PLSCR4: variants seen among roughly 807,000 people sequenced by gnomAD.
PLSCR4 encodes Ca(2+)-dependent phospholipid scramblase 4.
Under a neutral mutation model 36.3 loss-of-function variants are expected in PLSCR4, and 25 were observed. The observed-to-expected ratio is 0.69, with a 90% CI of 0.50 to 0.96. The LOEUF is 0.96. Among genes scored for constraint, PLSCR4 ranks in the 40% least tolerant of loss-of-function variants. The pLI, the probability that PLSCR4 is intolerant of heterozygous loss-of-function variation, is 0.00. For synonymous variants in PLSCR4, 122 were observed against 132.9 expected (o/e 0.92, Z 0.56); for missense variants, 408 against 414.7 (o/e 0.98, Z 0.14).
chr3:146,197,693 G>A (rs2033822007), intron 6 of PLSCR4, among the ~76,000 whole-genome samples: 2 of 151,982 alleles, frequency 1.3e-5, no homozygotes, highest in African/African-American at 2.4e-5. Context: ...ATAATAATGA[G>A]TCATAAAGAT....
rs544243688 is a variant in PLSCR4, at chr3:146,210,969, T to C, written c.119-4208A>G. 6.4e-4 allele frequency among the ~76,000 whole-genome samples: 98 copies of C among 152,188 alleles called. 1 individual carries two copies. The highest frequency in any genetic ancestry group is 2.3e-3 in the African/African-American group (95 of 41,554). On this transcript the variant is annotated intron_variant, in intron 3 of 8. Coordinates refer to ENST00000354952, the MANE Select transcript of PLSCR4 (RefSeq NM_020353.3). ...TGTGGATATATCACATTTTAGGTAT[T>C]GTTTAATCAGTCAATGGACATTTAG... is the stretch of plus-strand genomic sequence containing the variant.
Position 146,199,895 on chromosome 3 carries a change from C to T in PLSCR4, c.542G>A (p.Cys181Tyr), listed in dbSNP as rs759473143. The change falls in exon 6 of 9, where the codon TGT becomes TAT. Residue 181 changes from cysteine to tyrosine, a missense_variant. Physicochemically the swap from Cys to Tyr is radical, Grantham distance 194 (BLOSUM62 -2). Transcript: ENST00000354952. ...LRPFVLRVTDCMGREIMTMQR... is the reference protein window; with the variant it reads ...LRPFVLRVTDYMGREIMTMQR... The stretch of plus-strand genomic sequence containing the variant: ...CATTGTCATGATTTCTCGGCCCATA[C>T]AATCAGTGACCCGGAGGACGAAGGG... The T allele has an allele frequency of 1.2e-6, 2 of 1,613,574 alleles. No homozygotes were observed. Among genetic ancestry groups the T allele is most frequent in the South Asian group, 2.2e-5 (2 of 91,064 alleles).
chr3:146,228,851 AG>A (rs1218229572), intron 1 of PLSCR4, among the ~76,000 whole-genome samples: 1 of 152,160 alleles, frequency 6.6e-6, no homozygotes, highest in Non-Finnish European at 1.5e-5. Context: ...TTTATTTATA[AG>A]AAAGTCTTTA....
Position 146,194,261 on chromosome 3 carries a change from G to A in PLSCR4, c.*150C>T. On this transcript the variant is annotated 3_prime_UTR_variant, in exon 9 of 9. Coordinates refer to ENST00000354952, the MANE Select transcript of PLSCR4 (RefSeq NM_020353.3). Reference sequence around the variant, plus strand: ...ACACTTTTAGATTGTGTTCTTGCAAGCCCACTCTCAGCTGTCAAAGTTAAC... The same window carrying A: ...ACACTTTTAGATTGTGTTCTTGCAAACCCACTCTCAGCTGTCAAAGTTAAC... 1 of 627,500 alleles carries A rather than the reference G, an allele frequency of 1.6e-6. No individual in the cohort carries two copies. Among genetic ancestry groups the A allele is most frequent in the Non-Finnish European group, 2.9e-6 (1 of 348,610 alleles). 38.9% of individuals were successfully genotyped at this position (627,500 alleles called of 1,614,324 possible).
chr3:146,230,793 A>G (rs1373135990), intron 1 of PLSCR4, among the ~76,000 whole-genome samples: 1 of 152,226 alleles, frequency 6.6e-6, no homozygotes, highest in African/African-American at 2.4e-5. Context: ...CGCTTCAGCT[A>G]GAAGATAAGC....
chr3:146,206,686 T>G lies in PLSCR4; in HGVS notation c.194A>C (p.Gln65Pro), dbSNP rs757633149. The change falls in exon 4 of 9, where the codon CAA (glutamine) becomes CCA (proline). Residue 65 changes from glutamine (Q) to proline (P), a missense_variant. Coordinates refer to ENST00000354952, the MANE Select transcript of PLSCR4 (RefSeq NM_020353.3). ...CTGGTACAAAGGGAAGGTACTGGGT[T>G]GCTGTGGACTGTAGTATCCCATAGG... ...GLPMGYYSPQ[Q>P]PSTFPLYQPV... 4 of 1,612,856 alleles carry G rather than the reference T, an allele frequency of 2.5e-6. No individual in the cohort carries two copies. The highest frequency in any genetic ancestry group is 3.4e-6 in the Non-Finnish European group (4 of 1,179,384).
At chr3:146,234,549 T>G (rs1488585352) in intron 1 of PLSCR4, among the ~76,000 whole-genome samples, 1 of 152,132 alleles carries the variant, frequency 6.6e-6, no homozygotes, top group Non-Finnish European at 1.5e-5. Context: ...CTGTTCCCTT[T>G]TTTTTCTCTC....
At chr3:146,205,727 G>A (rs975378222) in intron 4 of PLSCR4, among the ~76,000 whole-genome samples, 1 of 152,002 alleles carries the variant, frequency 6.6e-6, no homozygotes, top group Non-Finnish European at 1.5e-5. Flanking sequence ...ATTTATGAAT[G>A]GTTTATTTCT....
rs2033531760 is a variant in PLSCR4 at position 146,193,573 on chromosome 3, G to C, written c.*838C>G. ...TTATATATAAGGCATCTGTGACCAA[G>C]AGACGTTATGAATTAAATGTACAAA... On this transcript the variant is annotated 3_prime_UTR_variant, in exon 9 of 9. Coordinates refer to ENST00000354952, the MANE Select transcript of PLSCR4 (RefSeq NM_020353.3). The C allele has an allele frequency of 6.6e-6, 1 of 152,198 alleles. No homozygotes were observed. The highest frequency in any genetic ancestry group is 1.5e-5 in the Non-Finnish European group (1 of 68,034). 9.4% of individuals were successfully genotyped at this position (152,198 alleles called of 1,614,324 possible). A position where few individuals can be genotyped will look rare whatever the true frequency, so the allele number is the denominator to read the frequency against.
At chr3:146,225,771 CCGCAAG>C (rs2035444289) in intron 1 of PLSCR4, among the ~76,000 whole-genome samples, 3 of 152,326 alleles carry the variant, frequency 2.0e-5, no homozygotes, top group Admixed American at 2.0e-4. Flanking sequence ...TCCAGCTGGC[CCGCAAG>C]CGCCGCACGC....
chr3:146,233,563 C>T (rs936133972), intron 1 of PLSCR4, among the ~76,000 whole-genome samples: 1 of 152,040 alleles, frequency 6.6e-6, no homozygotes, highest in Admixed American at 6.6e-5. Context: ...CTCCAAATGA[C>T]CTGCTATATT....
chr3:146,238,563 A>C (rs186465691), intron 1 of PLSCR4, among the ~76,000 whole-genome samples: 1 of 152,252 alleles, frequency 6.6e-6, no homozygotes, highest in Admixed American at 6.5e-5. Context: ...AATAGATGAC[A>C]GAAAAAATAT....
chr3:146,240,537 C>A (rs1235613563), intron 1 of PLSCR4, among the ~76,000 whole-genome samples: 2 of 152,118 alleles, frequency 1.3e-5, no homozygotes, highest in Non-Finnish European at 2.9e-5. Flanking sequence ...ACCAGGAGTT[C>A]GAGGCTGCAC....
In PLSCR4 at chr3:146,193,795, A is replaced by T. The variant is rs1309054535; in HGVS notation, c.*616T>A. The T allele has an allele frequency of 6.6e-6, 1 of 152,228 alleles. No individual in the cohort carries two copies. The highest frequency in any genetic ancestry group is 2.4e-5 in the African/African-American group (1 of 41,458). The allele number at this position is 152,228 out of a possible 1,614,324, so 9.4% of individuals were successfully genotyped here. On this transcript the variant is annotated 3_prime_UTR_variant, in exon 9 of 9. Coordinates refer to ENST00000354952, the MANE Select transcript of PLSCR4 (RefSeq NM_020353.3). ...AAGCATGGAATATATAAACTTTAAC[A>T]TTAAAAAATGTTTTATTTTGTAATA... is the stretch of plus-strand genomic sequence containing the variant.
chr3:146,237,152 A>C (rs2035952157), intron 1 of PLSCR4, among the ~76,000 whole-genome samples: 1 of 152,182 alleles, frequency 6.6e-6, no homozygotes, highest in South Asian at 2.1e-4. Context: ...ACTTTGTGTT[A>C]ACCAAAGAAG....
chr3:146,246,747 G>A (rs1301505109), intron 1 of PLSCR4, among the ~76,000 whole-genome samples: 1 of 152,134 alleles, frequency 6.6e-6, no homozygotes, highest in African/African-American at 2.4e-5. Context: ...AAAACAAGAT[G>A]TCATGTTGCA....
chr3:146,233,277 T>G (rs539137006), intron 1 of PLSCR4, among the ~76,000 whole-genome samples: 1 of 152,252 alleles, frequency 6.6e-6, no homozygotes, highest in South Asian at 2.1e-4. Context: ...TGTTAAATTA[T>G]TTTTAACATA....
chr3:146,244,205 G>T (rs775587270), intron 1 of PLSCR4, among the ~76,000 whole-genome samples: 27 of 152,058 alleles, frequency 1.8e-4, no homozygotes, highest in Admixed American at 9.8e-4. Flanking sequence ...ATGGTTCAAC[G>T]TACGTAAACG....
chr3:146,230,107 T>C (rs529210603), intron 1 of PLSCR4, among the ~76,000 whole-genome samples: 2 of 152,224 alleles, frequency 1.3e-5, no homozygotes, highest in East Asian at 3.9e-4. Context: ...GCAGTCTTGT[T>C]AGGAAGTAGG....
Sources: allele counts gnomAD v4.1 joint callset (sites outside exome capture counted in the v4.1 genomes callset), GRCh38; gene constraint gnomAD v4.1.1; transcripts MANE v1.5; gene names NCBI Gene and HGNC (gene_info 2026-07-23, HGNC 2026-07-21).